Variants in CENPQ observed in about 807,000 individuals in gnomAD.
The protein encoded by CENPQ is chromosome 6 open reading frame 139.
In CENPQ, 27 loss-of-function variants were observed where a neutral mutation model predicts 36.6. The observed-to-expected ratio is 0.74, with a 90% confidence interval of 0.54 to 1.02. The LOEUF (loss-of-function observed/expected upper bound fraction) is 1.02, where lower values mean the gene tolerates loss of function less well. Among genes scored for constraint, CENPQ ranks in the 50% least tolerant of loss-of-function variants. The probability of loss-of-function intolerance (pLI) is 0.00; values close to 1 mark genes in which losing one functional copy is unlikely to be tolerated. For missense variants in CENPQ, 306 were observed against 301.8 expected (o/e 1.01, Z -0.10); for synonymous variants, 101 against 101.7 (o/e 0.99, Z 0.04).
In CENPQ at chr6:49,472,175, A is replaced by C; in HGVS notation, c.270A>C (p.Ser90=). The change falls in exon 4 of 9, where the codon TCA becomes TCC. Residue 90 remains serine, a synonymous_variant. Coordinates refer to ENST00000335783, the MANE Select transcript of CENPQ (RefSeq NM_018132.4). The part of the protein sequence containing the change: ...TRDHLQTMME[S]VIMTILSNSI... ...ACCATTTGCAAACTATGATGGAATC[A>C]GTAATAATGTGAGTATAAAATTGTT... 6.2e-7 allele frequency: 1 copy of C among 1,606,284 alleles called. No homozygotes were observed. The highest frequency in any genetic ancestry group is 1.1e-5 in the South Asian group (1 of 89,288).
At chr6:49,471,977 C>A in intron 3 of CENPQ, 86 bp from the exon 4 acceptor site, 1 of 1,404,356 alleles carries the variant, frequency 7.1e-7, no homozygotes, top group Non-Finnish European at 9.5e-7. Flanking sequence ...ATTTCATAAG[C>A]TTTTTTAGAT....
At chr6:49,484,707 T>C (rs1232001778) in intron 6 of CENPQ, among the ~76,000 whole-genome samples, 1 of 152,210 alleles carries the variant, frequency 6.6e-6, no homozygotes, top group Non-Finnish European at 1.5e-5. Context: ...CACAAATCTA[T>C]ATGTATTTTT....
At chr6:49,483,813 G>T (rs1187700301) in intron 6 of CENPQ, among the ~76,000 whole-genome samples, 1 of 152,224 alleles carries the variant, frequency 6.6e-6, no homozygotes, top group Non-Finnish European at 1.5e-5. Flanking sequence ...ACACCTCCCT[G>T]CAAGCTGAGG....
At position 49,492,187 on chromosome 6, in the gene CENPQ, A is replaced by G; in HGVS notation, c.719A>G (p.Lys240Arg). 6.2e-7 allele frequency: 1 copy of G among 1,608,778 alleles called. No homozygotes were observed. The change falls in exon 9 of 9, where the codon AAG becomes AGG. Residue 240 changes from lysine to arginine, a missense_variant. By Grantham distance (26) the Lys-to-Arg change is conservative. Coordinates refer to ENST00000335783, the MANE Select transcript of CENPQ (RefSeq NM_018132.4). ...ALIPNQNALLKDLDILHNSSQ... is the reference protein window; with the variant it reads ...ALIPNQNALLRDLDILHNSSQ... ...ATTCCAAACCAGAATGCTCTTCTAA[A>G]GGACTTGGATATTCTTCATAATTCA...
At chr6:49,484,977 T>A (rs1768541391) in intron 6 of CENPQ, among the ~76,000 whole-genome samples, 1 of 152,226 alleles carries the variant, frequency 6.6e-6, no homozygotes. Flanking sequence ...GTGTGATTTT[T>A]ATGCTACTGG....
intron 8 of CENPQ, among the ~76,000 whole-genome samples, chr6:49,489,226 T>C (rs2127428437): frequency 6.6e-6 from 1 of 152,328 alleles, no homozygotes; most frequent in Middle Eastern, 3.4e-3. Flanking sequence ...AGCTAAGTTT[T>C]TGTCATATAC....
At chr6:49,466,496 A>G (rs1230926912) in intron 1 of CENPQ, among the ~76,000 whole-genome samples, 1 of 152,224 alleles carries the variant, frequency 6.6e-6, no homozygotes, top group East Asian at 1.9e-4. Flanking sequence ...CCATAGCACA[A>G]ACCAGTTTAA....
intron 6 of CENPQ, among the ~76,000 whole-genome samples, chr6:49,482,198 C>T (rs1768451411): frequency 6.6e-6 from 1 of 152,202 alleles, no homozygotes; most frequent in African/African-American, 2.4e-5. Context: ...CCCGCTCGCA[C>T]CTCTCCCTCC....
chr6:49,482,173 C>A (rs549991321), intron 6 of CENPQ, among the ~76,000 whole-genome samples: 3 of 152,182 alleles, frequency 2.0e-5, no homozygotes, highest in Admixed American at 2.0e-4. Context: ...GCAAGCACCG[C>A]GCGCAGCCCC....
chr6:49,469,965 A>G (rs1170497717), intron 1 of CENPQ, among the ~76,000 whole-genome samples, 194 bp from the exon 2 acceptor site: 1 of 151,752 alleles, frequency 6.6e-6, no homozygotes, highest in Non-Finnish European at 1.5e-5. Flanking sequence ...AAGAGTGAAA[A>G]TTATTTCTTT....
At chr6:49,489,238 A>G (rs1336705817) in intron 8 of CENPQ, among the ~76,000 whole-genome samples, 4 of 152,170 alleles carry the variant, frequency 2.6e-5, no homozygotes, top group Non-Finnish European at 5.9e-5. Context: ...GTCATATACT[A>G]TATCCTTCAT....
At chr6:49,469,652 A>T (rs573896728) in intron 1 of CENPQ, among the ~76,000 whole-genome samples, 2 of 152,334 alleles carry the variant, frequency 1.3e-5, no homozygotes, top group South Asian at 4.1e-4. Context: ...AGACTAACAC[A>T]TGAATTTCCA....
At position 49,470,170 on chromosome 6, in the gene CENPQ, G is replaced by C; in HGVS notation, c.-7G>C. ...TTTTTTTTTCGAAGCACTGTGTTTAGATCAAGATGTCTGGTAAAGCAAATG... is the reference window on the plus strand; with the variant it reads ...TTTTTTTTTCGAAGCACTGTGTTTACATCAAGATGTCTGGTAAAGCAAATG... On this transcript the variant is annotated 5_prime_UTR_variant, in exon 2 of 9. Transcript: ENST00000335783. 6.5e-7 allele frequency: 1 copy of C among 1,536,266 alleles called. No homozygotes were observed. The highest frequency in any genetic ancestry group is 8.9e-7 in the Non-Finnish European group (1 of 1,120,412).
At chr6:49,489,178 T>C (rs1452649696) in intron 8 of CENPQ, among the ~76,000 whole-genome samples, 1 of 152,234 alleles carries the variant, frequency 6.6e-6, no homozygotes, top group Non-Finnish European at 1.5e-5. Context: ...TCCTTCAAAA[T>C]TGGAGTCAGT....
rs745928755 is a variant in CENPQ at position 49,492,205 on chromosome 6, A to G, written c.737A>G (p.His246Arg). 3.7e-6 allele frequency: 6 copies of G among 1,609,424 alleles called. No homozygotes were observed. The highest frequency in any genetic ancestry group is 1.1e-5 in the South Asian group (1 of 89,476). ...NALLKDLDIL[H>R]NSSQMKSMST... ...CTTCTAAAGGACTTGGATATTCTTC[A>G]TAATTCATCACAGATGAAGAGCATG... is the stretch of plus-strand genomic sequence containing the variant. Residue 246 changes from histidine to arginine, a missense_variant, in exon 9 of 9, where the codon CAT becomes CGT. Coordinates refer to ENST00000335783, the MANE Select transcript of CENPQ (RefSeq NM_018132.4).
intron 5 of CENPQ, among the ~76,000 whole-genome samples, chr6:49,474,878 AC>A (rs1768241255): frequency 6.6e-6 from 1 of 152,160 alleles, no homozygotes; most frequent in Non-Finnish European, 1.5e-5. Context: ...TACTATAAAC[AC>A]CTCTACGCAA....
chr6:49,482,731 G>A (rs1247222131), intron 6 of CENPQ, among the ~76,000 whole-genome samples: 4 of 152,118 alleles, frequency 2.6e-5, no homozygotes, highest in Admixed American at 6.5e-5. Context: ...CTTTGTGGTC[G>A]CCAAAATGTG....
chr6:49,489,951 C>T (rs756210471), intron 8 of CENPQ, among the ~76,000 whole-genome samples: 22 of 152,160 alleles, frequency 1.4e-4, no homozygotes, highest in Admixed American at 5.9e-4. Flanking sequence ...GCACAGACAA[C>T]ACAGATGTAG....
At chr6:49,476,064 G>GA (rs200353570) in intron 5 of CENPQ, among the ~76,000 whole-genome samples, 2,149 of 146,688 alleles carry the variant, frequency 0.015, 45 homozygotes, top group African/African-American at 0.046. Context: ...CACAGAATTG[G>GA]AAAAAAAAAA....
Sources: allele counts gnomAD v4.1 joint callset (sites outside exome capture counted in the v4.1 genomes callset), GRCh38; gene constraint gnomAD v4.1.1; transcripts MANE v1.5; gene names NCBI Gene and HGNC (gene_info 2026-07-23, HGNC 2026-07-21).